The following CAMSAP3 variants were observed in gnomAD, a reference collection of about 807,000 sequenced individuals.
CAMSAP3 encodes calmodulin-regulated spectrin-associated protein 3.
A neutral mutation model predicts 112.5 loss-of-function variants in CAMSAP3; 34 were observed. That is an observed-to-expected ratio of 0.30 (90% CI 0.23 to 0.40). The LOEUF (loss-of-function observed/expected upper bound fraction) is 0.40, where lower values mean the gene tolerates loss of function less well. Ranked by LOEUF, CAMSAP3 falls within the 10% of genes least tolerant of loss-of-function variation. CAMSAP3 has a pLI of 1.00. For missense variants in CAMSAP3, 1,602 were observed against 1,770.3 expected, an observed-to-expected ratio of 0.90 and a Z score of 1.71; for synonymous variants, 868 against 799.8, an observed-to-expected ratio of 1.09 and a Z score of -1.44.
chr19:7,604,296 G>A (rs2030098405), intron 1 of CAMSAP3, among the ~76,000 whole-genome samples: 1 of 151,954 alleles, frequency 6.6e-6, no homozygotes, highest in Non-Finnish European at 1.5e-5. Flanking sequence ...GTCCACCTGG[G>A]GCTTCCTCAC....
Position 7,615,308 on chromosome 19 carries a change from G to A in CAMSAP3, c.2796G>A (p.Arg932=), listed in dbSNP as rs2030719848. 6.5e-7 allele frequency: 1 copy of A among 1,546,610 alleles called. No homozygotes were observed. Among genetic ancestry groups the A allele is most frequent in the Non-Finnish European group, 8.7e-7 (1 of 1,144,552 alleles). The change falls in exon 12 of 17, where the codon AGG becomes AGA. Residue 932 remains arginine, a synonymous_variant. Coordinates refer to ENST00000160298, the MANE Select transcript of CAMSAP3 (RefSeq NM_020902.2). This position sits in a 1 kb window ranked among gnomAD's most constrained non-coding sequence, Gnocchi z 6.5. ...QWQEVEKEQR[R]EEAARLAQEE... Reference sequence around the variant, plus strand: ...AGGAGGTGGAGAAGGAACAGCGGAGGGAGGAGGCCGCGAGGTGAGGCCGGG... The same window carrying A: ...AGGAGGTGGAGAAGGAACAGCGGAGAGAGGAGGCCGCGAGGTGAGGCCGGG...
chr19:7,606,439 C>A, intron 3 of CAMSAP3, 37 bp from the exon 4 acceptor site: 2 of 1,610,652 alleles, frequency 1.2e-6, no homozygotes, highest in Non-Finnish European at 1.7e-6. Context: ...CAGCATCGTC[C>A]AGTGGCCAGA....
chr19:7,615,338 C>A lies in CAMSAP3; in HGVS notation c.2810+16C>A. 1 of 1,537,164 alleles carries A rather than the reference C, an allele frequency of 6.5e-7. No homozygotes were observed. The highest frequency in any genetic ancestry group is 2.5e-5 in the East Asian group (1 of 40,606). On this transcript the variant is annotated intron_variant, in intron 12 of 16. Transcript: ENST00000160298. This position sits in a 1 kb window ranked among gnomAD's most constrained non-coding sequence, Gnocchi z 6.5. Reference sequence around the variant, plus strand: ...AGGCCGCGAGGTGAGGCCGGGCCTGCCCGGGACGCCCGCTCCTTGGCCTGT... The same window carrying A: ...AGGCCGCGAGGTGAGGCCGGGCCTGACCGGGACGCCCGCTCCTTGGCCTGT...
In CAMSAP3 at chr19:7,607,231, G is replaced by A. The variant is rs1834458711; in HGVS notation, c.621+660G>A. On this transcript the variant is annotated intron_variant, in intron 4 of 16. Transcript: ENST00000160298. This position sits in a 1 kb window ranked among gnomAD's most constrained non-coding sequence, Gnocchi z 4.9. ...ACCCTAGCAGGCAGGGCACCCTCTGGCCAAGGGGAAGACCCTCCAATGCAG... is the reference window on the plus strand; with the variant it reads ...ACCCTAGCAGGCAGGGCACCCTCTGACCAAGGGGAAGACCCTCCAATGCAG... Among the ~76,000 whole-genome samples, 1 of 152,130 alleles carries A rather than the reference G, an allele frequency of 6.6e-6. No homozygotes were observed. Among genetic ancestry groups the A allele is most frequent in the Non-Finnish European group, 1.5e-5 (1 of 68,026 alleles).
In CAMSAP3 at chr19:7,596,152, TACCGGGGCTCGGGGG is replaced by T; in HGVS notation, c.148+10_148+24del. 1.6e-6 allele frequency: 1 copy of T among 613,414 alleles called. No homozygotes were observed. Among genetic ancestry groups the T allele is most frequent in the Non-Finnish European group, 2.1e-6 (1 of 476,802 alleles). 38.0% of individuals were successfully genotyped at this position (613,414 alleles called of 1,614,324 possible). A position where few individuals can be genotyped will look rare whatever the true frequency, so the allele number is the denominator to read the frequency against. ...TGCGGGCCGCGTTCGGGGGCGCAGG[TACCGGGGCTCGGGGG>T]ACCGGGGTCGGGGGCGGCGGGCCGG... On this transcript the variant is annotated splice_donor_5th_base_variant and intron_variant, in intron 1 of 16. Coordinates refer to ENST00000160298, the MANE Select transcript of CAMSAP3 (RefSeq NM_020902.2).
rs565216454 is a variant in CAMSAP3, at chr19:7,607,767, G to A, written c.622-359G>A. 45 of 611,174 alleles carry A rather than the reference G, an allele frequency of 7.4e-5. No individual in the cohort carries two copies. Among genetic ancestry groups the A allele is most frequent in the Middle Eastern group, 9.0e-4 (2 of 2,220 alleles). 37.9% of individuals were successfully genotyped at this position (611,174 alleles called of 1,614,324 possible). ...CCTCCCCCCCAAGGTGGGCTTGGGG[G>A]CCCAGCAGGTCAGCACCCCTCCCCC... On this transcript the variant is annotated intron_variant, in intron 4 of 16. Transcript: ENST00000160298. The surrounding 1 kb of genome is among the most constrained non-coding windows in gnomAD (Gnocchi z 4.9).
chr19:7,612,481 G>A lies in CAMSAP3; in HGVS notation c.1988G>A (p.Gly663Asp). Residue 663 changes from glycine to aspartate, a missense_variant, in exon 11 of 17, where the codon GGT becomes GAT. Around this residue, in one of 6 missense-constraint regions of CAMSAP3, gnomAD observed 1,100 missense variants for 1,135.7 expected, o/e 0.97. Coordinates refer to ENST00000160298, the MANE Select transcript of CAMSAP3 (RefSeq NM_020902.2). ...GAGGCCGATTCCGGTCCAGTCCCTG[G>A]TGGGGAGCGGCCCGCAGGCGAGGGC... Reference protein sequence around the residue: ...AEEADSGPVPGGERPAGEGQG... With the variant: ...AEEADSGPVPDGERPAGEGQG... The A allele has an allele frequency of 6.4e-7, 1 of 1,560,098 alleles. No individual in the cohort carries two copies. The highest frequency in any genetic ancestry group is 8.7e-7 in the Non-Finnish European group (1 of 1,155,066).
Position 7,615,460 on chromosome 19 carries a change from C to T in CAMSAP3, c.2853C>T (p.Ser951=), listed in dbSNP as rs1029204572. ...EEAPGPAPLV[S]AVPMATPAPA... is the part of the protein sequence containing the mutation. ...CCCCGGGCCCAGCCCCGCTTGTGTC[C>T]GCAGTCCCGATGGCGACTCCAGCCC... Residue 951 remains serine (S), a synonymous_variant, in exon 13 of 17, where the codon TCC becomes TCT. Transcript: ENST00000160298. The surrounding 1 kb of genome is among the most constrained non-coding windows in gnomAD (Gnocchi z 6.5). 1.9e-6 allele frequency: 3 copies of T among 1,541,214 alleles called. No homozygotes were observed. Among genetic ancestry groups the T allele is most frequent in the Non-Finnish European group, 2.6e-6 (3 of 1,146,236 alleles).
Position 7,610,493 on chromosome 19 carries a change from C to A in CAMSAP3, c.778C>A (p.Pro260Thr). 1.9e-6 allele frequency: 3 copies of A among 1,612,934 alleles called. No individual in the cohort carries two copies. Among genetic ancestry groups the A allele is most frequent in the Non-Finnish European group, 2.5e-6 (3 of 1,179,704 alleles). The change falls in exon 6 of 17, where the codon CCC becomes ACC. Residue 260 changes from proline to threonine, a missense_variant. Transcript: ENST00000160298. The surrounding 1 kb of genome is among the most constrained non-coding windows in gnomAD (Gnocchi z 4.9). Reference protein sequence around the residue: ...LRLEEVCLKDPMSVADSLYNL... With the variant: ...LRLEEVCLKDTMSVADSLYNL... The stretch of plus-strand genomic sequence containing the variant: ...CCCCACAGAGGTGTGCTTGAAGGAC[C>A]CCATGTCTGTGGCGGACAGCCTGTA...
intron 1 of CAMSAP3, among the ~76,000 whole-genome samples, chr19:7,603,555 T>C (rs1044555039): frequency 1.3e-5 from 2 of 151,676 alleles, no homozygotes; most frequent in Non-Finnish European, 2.9e-5. Flanking sequence ...AACCCCAATA[T>C]ACAAAACAAG....
Position 7,615,271 on chromosome 19 carries a change from G to A in CAMSAP3, c.2759G>A (p.Arg920His), listed in dbSNP as rs1476043850. Residue 920 changes from arginine to histidine, a missense_variant, in exon 12 of 17, where the codon CGC (arginine) becomes CAC (histidine). Transcript: ENST00000160298. The surrounding 1 kb of genome is among the most constrained non-coding windows in gnomAD (Gnocchi z 6.5). ...CGGCGAGCAGAGGAGGCGCGGCGGC[G>A]CAAGCAGTGGCAGGAGGTGGAGAAG... ...QQRRAEEARR[R>H]KQWQEVEKEQ... 6.5e-6 allele frequency: 10 copies of A among 1,549,348 alleles called. No individual in the cohort carries two copies. The highest frequency in any genetic ancestry group is 1.2e-5 in the South Asian group (1 of 84,010).
chr19:7,615,761 C>T lies in CAMSAP3; in HGVS notation c.3112+42C>T, dbSNP rs552321854. The stretch of plus-strand genomic sequence containing the variant: ...GACGGGGCCTGCCCAGTGCCCTTTC[C>T]GGGGCTCACTGGGTGAGGCCCCCAT... On this transcript the variant is annotated intron_variant, in intron 13 of 16. Transcript: ENST00000160298. This position sits in a 1 kb window ranked among gnomAD's most constrained non-coding sequence, Gnocchi z 6.5. 2.9e-5 allele frequency: 29 copies of T among 989,308 alleles called. No individual in the cohort carries two copies. In the East Asian group the frequency reaches 7.8e-4, roughly 27 times the overall value. The allele number at this position is 989,308 out of a possible 1,614,324, so 61.3% of individuals were successfully genotyped here. A position where few individuals can be genotyped will look rare whatever the true frequency, so the allele number is the denominator to read the frequency against.
rs2030259659 is a variant in CAMSAP3, at chr19:7,607,014, G to A, written c.621+443G>A. Among the ~76,000 whole-genome samples, 1 of 150,974 alleles carries A rather than the reference G, an allele frequency of 6.6e-6. No homozygotes were observed. The highest frequency in any genetic ancestry group is 1.5e-5 in the Non-Finnish European group (1 of 67,648). ...TAGAATCTCGGCCATTAACTGAGAGGGCAGACCCCTCCCCCAGCGAACTGA... is the reference window on the plus strand; with the variant it reads ...TAGAATCTCGGCCATTAACTGAGAGAGCAGACCCCTCCCCCAGCGAACTGA... On this transcript the variant is annotated intron_variant, in intron 4 of 16. Transcript: ENST00000160298. The surrounding 1 kb of genome is among the most constrained non-coding windows in gnomAD (Gnocchi z 4.9).
Position 7,615,167 on chromosome 19 carries a change from C to A in CAMSAP3, c.2671-16C>A. On this transcript the variant is annotated splice_polypyrimidine_tract_variant and intron_variant, in intron 11 of 16. Transcript: ENST00000160298. The surrounding 1 kb of genome is among the most constrained non-coding windows in gnomAD (Gnocchi z 6.5). ...GGGGGAGGGGGTGGCTGGCTGGACT[C>A]GGCGTCTGTCCCCAGGATGAAGACA... 1 of 1,553,588 alleles carries A rather than the reference C, an allele frequency of 6.4e-7. No homozygotes were observed. Among genetic ancestry groups the A allele is most frequent in the Non-Finnish European group, 8.7e-7 (1 of 1,148,872 alleles).
In CAMSAP3 at chr19:7,610,084, T is replaced by G. The variant is rs540946874; in HGVS notation, c.761-392T>G. 6.6e-6 allele frequency among the ~76,000 whole-genome samples: 1 copy of G among 152,102 alleles called. No individual in the cohort carries two copies. The highest frequency in any genetic ancestry group is 2.1e-4 in the South Asian group (1 of 4,832). ...CTGTAATCCCAGCACTTTGGGTGGCTGAGGCGGCCGGATCATGAAGTCAGG... is the reference window on the plus strand; with the variant it reads ...CTGTAATCCCAGCACTTTGGGTGGCGGAGGCGGCCGGATCATGAAGTCAGG... On this transcript the variant is annotated intron_variant, in intron 5 of 16. Transcript: ENST00000160298. The surrounding 1 kb of genome is among the most constrained non-coding windows in gnomAD (Gnocchi z 4.9).
intron 2 of CAMSAP3, 118 bp from the exon 3 acceptor site, chr19:7,606,153 C>CCCA (rs1568441651): frequency 2.1e-6 from 1 of 471,666 alleles, no homozygotes; most frequent in African/African-American, 2.3e-5. Flanking sequence ...CCCCTCAAGC[C>CCCA]CCACCCCCCC....
At chr19:7,606,852 G>A (rs367680581) in intron 4 of CAMSAP3, 1 of 1,604,032 alleles carries the variant, frequency 6.2e-7, no homozygotes, top group African/African-American at 1.3e-5. Context: ...TGCCCTGCTT[G>A]TAGCTCTGTC....
At chr19:7,601,188 A>T (rs1047032829) in intron 1 of CAMSAP3, among the ~76,000 whole-genome samples, 1 of 152,236 alleles carries the variant, frequency 6.6e-6, no homozygotes, top group Non-Finnish European at 1.5e-5. Context: ...TGTTGATTAC[A>T]TGTTAAAATA....
chr19:7,601,812 C>T (rs2029982156), intron 1 of CAMSAP3, among the ~76,000 whole-genome samples: 1 of 151,328 alleles, frequency 6.6e-6, no homozygotes, highest in Non-Finnish European at 1.5e-5. Flanking sequence ...TGCCTGTAAT[C>T]CCAGCACTTT....
Sources: allele counts gnomAD v4.1 joint callset (sites outside exome capture counted in the v4.1 genomes callset), GRCh38; gene constraint gnomAD v4.1.1; regional missense constraint gnomAD v4.1.1; non-coding constraint Gnocchi (gnomAD v3.1); transcripts MANE v1.5; gene names NCBI Gene and HGNC (gene_info 2026-07-23, HGNC 2026-07-21).